Variants in FANCC observed in about 807,000 individuals in gnomAD.
FANCC encodes the protein FA complementation group C.
In FANCC, 55 loss-of-function variants were observed where a neutral mutation model predicts 71.3. The ratio of observed to expected loss-of-function variants is 0.77; its 90% CI spans 0.62 to 0.97. The LOEUF is 0.97. Ranked by LOEUF, FANCC falls within the 50% of genes least tolerant of loss-of-function variation. The pLI, the probability that FANCC is intolerant of heterozygous loss-of-function variation, is 0.00. For synonymous variants in FANCC, 275 were observed against 244.9 expected (o/e 1.12, Z -1.15); for missense variants, 678 against 670.9 (o/e 1.01, Z -0.12).
intron 4 of FANCC, among the ~76,000 whole-genome samples, chr9:95,196,309 T>C (rs1020448767): frequency 1.3e-5 from 2 of 152,170 alleles, no homozygotes; most frequent in African/African-American, 4.8e-5. Context: ...TTTTAAATCA[T>C]GAATAGGTAT....
intron 7 of FANCC, among the ~76,000 whole-genome samples, chr9:95,136,081 A>T (rs1396128545): frequency 6.6e-6 from 1 of 152,204 alleles, no homozygotes; most frequent in Non-Finnish European, 1.5e-5. Flanking sequence ...GGTTGCTTGA[A>T]AGTTGAAAAT....
intron 1 of FANCC, among the ~76,000 whole-genome samples, chr9:95,308,845 A>G (rs969336103): frequency 2.0e-5 from 3 of 152,128 alleles, no homozygotes; most frequent in Non-Finnish European, 2.9e-5. Flanking sequence ...CCAAAATTCA[A>G]GATATTTTTA....
intron 4 of FANCC, among the ~76,000 whole-genome samples, chr9:95,179,094 T>G (rs1826185478): frequency 6.6e-6 from 1 of 152,248 alleles, no homozygotes; most frequent in African/African-American, 2.4e-5. Context: ...GGTTGGTTTA[T>G]GCTCGTTAAC....
At chr9:95,293,118 T>G in intron 1 of FANCC, 1 of 1,613,270 alleles carries the variant, frequency 6.2e-7, no homozygotes, top group East Asian at 2.2e-5. Flanking sequence ...AACTAGAAGC[T>G]TCAGAAATAA....
chr9:95,190,736 C>T (rs1364657074), intron 4 of FANCC, among the ~76,000 whole-genome samples: 3 of 152,250 alleles, frequency 2.0e-5, no homozygotes, highest in South Asian at 2.1e-4. Context: ...GCTGGTACAC[C>T]GCATGCTACA....
chr9:95,239,027 GA>G (rs1830486153), intron 4 of FANCC, among the ~76,000 whole-genome samples: 1 of 152,126 alleles, frequency 6.6e-6, no homozygotes, highest in African/African-American at 2.4e-5. Context: ...ACAGTTCCCT[GA>G]ATACGTTTGC....
intron 10 of FANCC, among the ~76,000 whole-genome samples, chr9:95,124,307 T>C (rs1825628636): frequency 6.6e-6 from 1 of 152,096 alleles, no homozygotes; most frequent in South Asian, 2.1e-4. Flanking sequence ...ACAGGCAATG[T>C]GTCCCATAAA....
intron 1 of FANCC, among the ~76,000 whole-genome samples, chr9:95,305,257 C>T (rs558530600): frequency 1.3e-5 from 2 of 152,302 alleles, no homozygotes; most frequent in East Asian, 3.9e-4. Flanking sequence ...TCCAGTGGAC[C>T]CCTGCATGCT....
chr9:95,293,203 A>G, intron 1 of FANCC: 2 of 1,612,484 alleles, frequency 1.2e-6, no homozygotes, highest in Non-Finnish European at 8.5e-7. Flanking sequence ...CATCACCGAG[A>G]TAGCCTCAAA....
At position 95,099,441 on chromosome 9, in the gene FANCC, C is replaced by G; in HGVS notation, c.*2266G>C. 1 of 227,124 alleles carries G rather than the reference C, an allele frequency of 4.4e-6. No homozygotes were observed. The highest frequency in any genetic ancestry group is 1.3e-3 in the Middle Eastern group (1 of 772). The allele number at this position is 227,124 out of a possible 1,614,324, so 14.1% of individuals were successfully genotyped here. On this transcript the variant is annotated 3_prime_UTR_variant, in exon 15 of 15. Transcript: ENST00000289081. ...AGGCCCCCTCGGCCACGCCGCGTCC[C>G]CGCCCAGCATCTCGGATGCCATTCC...
chr9:95,306,600 A>G (rs905499491), intron 1 of FANCC, among the ~76,000 whole-genome samples: 2 of 152,200 alleles, frequency 1.3e-5, no homozygotes, highest in African/African-American at 2.4e-5. Flanking sequence ...CCTTCTCTCT[A>G]AACATTTCAA....
chr9:95,150,456 C>T (rs752693518), intron 6 of FANCC, among the ~76,000 whole-genome samples: 11 of 152,128 alleles, frequency 7.2e-5, no homozygotes, highest in Non-Finnish European at 1.5e-4. Context: ...TCATCTGATC[C>T]ATCAGTGAAT....
At chr9:95,122,215 T>C (rs2072942373) in intron 10 of FANCC, among the ~76,000 whole-genome samples, 1 of 152,130 alleles carries the variant, frequency 6.6e-6, no homozygotes, top group South Asian at 2.1e-4. Context: ...AGCACGTGGA[T>C]AGACATATAT....
intron 1 of FANCC, among the ~76,000 whole-genome samples, chr9:95,276,106 C>T (rs894151572): frequency 5.3e-5 from 8 of 152,132 alleles, no homozygotes; most frequent in African/African-American, 1.9e-4. Flanking sequence ...GTATTATCTG[C>T]TTCCAAGTCT....
At chr9:95,249,636 A>G (rs1656067363) in intron 1 of FANCC, among the ~76,000 whole-genome samples, 1 of 152,222 alleles carries the variant, frequency 6.6e-6, no homozygotes, top group Admixed American at 6.5e-5. Flanking sequence ...AGCACAGCTG[A>G]TAATACTTTA....
At chr9:95,162,383 CT>C (rs968379417) in intron 6 of FANCC, among the ~76,000 whole-genome samples, 11 of 152,144 alleles carry the variant, frequency 7.2e-5, no homozygotes, top group African/African-American at 2.4e-4. Context: ...TTACTTCCAC[CT>C]CTTGGCTCTT....
chr9:95,250,430 A>C (rs1831259441), intron 1 of FANCC, among the ~76,000 whole-genome samples: 1 of 152,242 alleles, frequency 6.6e-6, no homozygotes, highest in African/African-American at 2.4e-5. Flanking sequence ...ATTTGAAACG[A>C]CTGTACAATT....
intron 3 of FANCC, among the ~76,000 whole-genome samples, chr9:95,243,462 T>C (rs888687104): frequency 6.6e-6 from 1 of 152,138 alleles, no homozygotes; most frequent in African/African-American, 2.4e-5. Context: ...TTTTCCATGA[T>C]GAAAATTGTT....
chr9:95,189,774 C>A (rs1268896093), intron 4 of FANCC, among the ~76,000 whole-genome samples: 1 of 152,202 alleles, frequency 6.6e-6, no homozygotes, highest in Non-Finnish European at 1.5e-5. Flanking sequence ...TGGCTTGCCC[C>A]CTTTTCTAAA....
Sources: allele counts gnomAD v4.1 joint callset (sites outside exome capture counted in the v4.1 genomes callset), GRCh38; gene constraint gnomAD v4.1.1; transcripts MANE v1.5; gene names NCBI Gene and HGNC (gene_info 2026-07-23, HGNC 2026-07-21).